Variants in GFRA1 observed in about 807,000 individuals in gnomAD.
GFRA1 encodes the protein GDNF family receptor alpha-1.
GFRA1 carries 16 observed loss-of-function variants against 51.6 expected under a neutral mutation model. The observed-to-expected ratio is 0.31, with a 90% CI of 0.21 to 0.47. GFRA1 has a LOEUF of 0.47. Among genes scored for constraint, GFRA1 ranks in the 20% least tolerant of loss-of-function variants. The pLI, the probability that GFRA1 is intolerant of heterozygous loss-of-function variation, is 1.00. For synonymous variants in GFRA1, 270 were observed against 241.3 expected, an observed-to-expected ratio of 1.12 and a Z score of -1.10; for missense variants, 530 against 594.3, an observed-to-expected ratio of 0.89 and a Z score of 1.13.
At chr10:116,173,757 C>T (rs189721294) in intron 5 of GFRA1, among the ~76,000 whole-genome samples, 10 of 152,176 alleles carry the variant, frequency 6.6e-5, no homozygotes, top group African/African-American at 2.2e-4. Flanking sequence ...TTAGTTGGGC[C>T]GAACAGGTTT....
At chr10:116,202,495 C>T (rs1054703975) in intron 5 of GFRA1, among the ~76,000 whole-genome samples, 15 of 152,070 alleles carry the variant, frequency 9.9e-5, no homozygotes, top group Non-Finnish European at 2.2e-4. Flanking sequence ...TTGTATTGGT[C>T]CATTCTCACC....
chr10:116,165,457 A>G (rs1260781558), intron 5 of GFRA1, among the ~76,000 whole-genome samples: 1 of 152,154 alleles, frequency 6.6e-6, no homozygotes, highest in Non-Finnish European at 1.5e-5. Flanking sequence ...TCACATGATA[A>G]TGTAGATCAG....
rs556572944 is a variant in GFRA1, at chr10:116,235,303, T to C, written c.419-23658A>G. ...GGTTAGCTAGAGTATTTTTAGGCTG[T>C]TGAAGTTTGGTTTTCTGACCTATGA... On this transcript the variant is annotated intron_variant, in intron 4 of 10. Transcript: ENST00000355422. 5.3e-5 allele frequency among the ~76,000 whole-genome samples: 8 copies of C among 152,322 alleles called. No individual in the cohort carries two copies. In the South Asian group the frequency reaches 8.3e-4, roughly 16 times the overall value.
In GFRA1 at chr10:116,058,044, C is replaced by CAGAGAG. The variant is rs58982257; in HGVS notation, c.*6348_*6353dup. On this transcript the variant is annotated 3_prime_UTR_variant, in exon 11 of 11. Transcript: ENST00000355422. ...TGTGTGTGTGTGTGTGTGTGTGTGA[C>CAGAGAG]AGAGAGAACCACGCTTTATTGGCGG... The CAGAGAG allele has an allele frequency of 1.7e-5, 2 of 115,070 alleles. No homozygotes were observed. The highest frequency in any genetic ancestry group is 9.2e-5 in the Admixed American group (1 of 10,886). 7.1% of individuals were successfully genotyped at this position (115,070 alleles called of 1,614,324 possible). A position where few individuals can be genotyped will look rare whatever the true frequency, so the allele number is the denominator to read the frequency against.
chr10:116,124,545 TA>T (rs1957776049), intron 6 of GFRA1, among the ~76,000 whole-genome samples: 1 of 152,210 alleles, frequency 6.6e-6, no homozygotes, highest in Non-Finnish European at 1.5e-5. Flanking sequence ...TTTTCTTTTT[TA>T]AACACAGAAA....
intron 9 of GFRA1, among the ~76,000 whole-genome samples, chr10:116,075,235 G>C (rs996770017): frequency 6.6e-6 from 1 of 152,038 alleles, no homozygotes; most frequent in Non-Finnish European, 1.5e-5. Context: ...AAGTGCTTAG[G>C]AGAAGACATC....
chr10:116,124,898 G>C (rs1187847623), intron 6 of GFRA1, among the ~76,000 whole-genome samples: 5 of 152,164 alleles, frequency 3.3e-5, no homozygotes, highest in African/African-American at 9.7e-5. Context: ...GCAGGTGTGT[G>C]CCTTAAGGTC....
At chr10:116,083,678 C>A (rs534213568) in intron 9 of GFRA1, among the ~76,000 whole-genome samples, 39 of 152,228 alleles carry the variant, frequency 2.6e-4, no homozygotes, top group Admixed American at 2.2e-3. Context: ...GGATAATTGC[C>A]TTCCCACCGC....
intron 5 of GFRA1, among the ~76,000 whole-genome samples, chr10:116,144,680 G>A (rs951136038): frequency 5.9e-5 from 9 of 151,974 alleles, no homozygotes; most frequent in Admixed American, 5.2e-4. Context: ...TAAGGTATCC[G>A]TACATGAAAA....
rs5788142 is a variant in GFRA1, at chr10:116,206,622, C to CTTTTTTTTTTT, written c.433+4998_433+5008dup. The stretch of plus-strand genomic sequence containing the variant: ...GGTTACACTTCTGAAACCACATTCT[C>CTTTTTTTTTTT]TTTTTTTTTTTTTTTTTTTTTTTGA... On this transcript the variant is annotated intron_variant, in intron 5 of 10. Transcript: ENST00000355422. 3.4e-4 allele frequency among the ~76,000 whole-genome samples: 29 copies of CTTTTTTTTTTT among 84,504 alleles called. 3 individuals carry two copies. The highest frequency in any genetic ancestry group is 4.8e-4 in the South Asian group (1 of 2,068). The allele number at this position is 84,504 out of a possible 152,430, so 55.4% of individuals were successfully genotyped here. A position where few individuals can be genotyped will look rare whatever the true frequency, so the allele number is the denominator to read the frequency against.
intron 8 of GFRA1, among the ~76,000 whole-genome samples, chr10:116,090,431 T>TAAA (rs1458941899): frequency 1.1e-4 from 7 of 63,806 alleles, no homozygotes; most frequent in Non-Finnish European, 2.6e-4. Context: ...ACCAGTTTCT[T>TAAA]TAAAAAAAAA....
intron 9 of GFRA1, among the ~76,000 whole-genome samples, chr10:116,073,773 C>G (rs990891233): frequency 6.6e-6 from 1 of 152,066 alleles, no homozygotes; most frequent in Admixed American, 6.5e-5. Flanking sequence ...ATTTATTAAG[C>G]CTCTCATTCT....
At chr10:116,130,788 G>A (rs1958074629) in intron 5 of GFRA1, among the ~76,000 whole-genome samples, 1 of 152,046 alleles carries the variant, frequency 6.6e-6, no homozygotes. Flanking sequence ...ATGTAATATG[G>A]ATCACAGACT....
At chr10:116,255,709 T>C in intron 4 of GFRA1, 1 of 1,289,160 alleles carries the variant, frequency 7.8e-7, no homozygotes, top group South Asian at 1.2e-5. Flanking sequence ...TGCATCCTAG[T>C]TCTCTTCCTC....
At chr10:116,078,863 G>A (rs1042354168) in intron 9 of GFRA1, among the ~76,000 whole-genome samples, 20 of 152,076 alleles carry the variant, frequency 1.3e-4, no homozygotes, top group African/African-American at 3.4e-4. Context: ...CGTTGCTACC[G>A]TCATTTAGAT....
chr10:116,197,577 C>A (rs1330318651), intron 5 of GFRA1, among the ~76,000 whole-genome samples: 1 of 152,114 alleles, frequency 6.6e-6, no homozygotes, highest in Admixed American at 6.5e-5. Context: ...TACACGTGCA[C>A]ACACACAGAC....
At chr10:116,215,225 A>G (rs151004725) in intron 4 of GFRA1, among the ~76,000 whole-genome samples, 1 of 152,328 alleles carries the variant, frequency 6.6e-6, no homozygotes, top group East Asian at 1.9e-4. Flanking sequence ...GGCACAAATG[A>G]TTCATGGACA....
At chr10:116,085,361 G>A (rs969467283) in intron 9 of GFRA1, among the ~76,000 whole-genome samples, 6 of 152,152 alleles carry the variant, frequency 3.9e-5, no homozygotes, top group African/African-American at 7.2e-5. Context: ...ATTACAAGAG[G>A]GCGCTTCTCA....
chr10:116,096,493 C>CCT (rs573328187), intron 7 of GFRA1, among the ~76,000 whole-genome samples, 162 bp downstream of exon 7: 3 of 149,724 alleles, frequency 2.0e-5, no homozygotes, highest in Non-Finnish European at 3.0e-5. Flanking sequence ...TTTTTTTTTT[C>CCT]TTTTTTTTTA....
Sources: gnomAD v4.1 joint callset for allele counts (sites outside exome capture counted in the v4.1 genomes callset) on GRCh38, gnomAD v4.1.1 for gene constraint, MANE v1.5 for transcripts, NCBI Gene and HGNC (gene_info 2026-07-23, HGNC 2026-07-21) for gene names.